Variants in HCK observed in about 807,000 individuals in gnomAD.
The protein encoded by HCK is HCK proto-oncogene, Src family tyrosine kinase, also known as tyrosine-protein kinase HCK.
Under a neutral mutation model 70.4 loss-of-function variants are expected in HCK, and 40 were observed. The ratio of observed to expected loss-of-function variants is 0.57; its 90% confidence interval spans 0.44 to 0.74. The LOEUF is 0.74. Ranked by LOEUF, HCK falls within the 30% of genes least tolerant of loss-of-function variation. HCK has a pLI of 0.00. For missense variants in HCK, 568 were observed against 697.2 expected (o/e 0.81, Z 2.09); for synonymous variants, 245 against 263.2 (o/e 0.93, Z 0.67).
At chr20:32,093,802 G>A (rs1252841908) in intron 10 of HCK, 61 bp from the exon 11 acceptor site, 2 of 1,509,284 alleles carry the variant, frequency 1.3e-6, no homozygotes. Context: ...GCTGCTTTTG[G>A]GTGGGGCCAT....
chr20:32,097,090 G>A (rs1217201868), intron 11 of HCK, among the ~76,000 whole-genome samples: 1 of 151,556 alleles, frequency 6.6e-6, no homozygotes, highest in Non-Finnish European at 1.5e-5. Flanking sequence ...GACCAGCCTG[G>A]GCAATATAGC....
chr20:32,061,215 CT>C (rs2045369306), intron 1 of HCK, among the ~76,000 whole-genome samples: 1 of 152,218 alleles, frequency 6.6e-6, no homozygotes, highest in Non-Finnish European at 1.5e-5. Context: ...AACTCCTGAC[CT>C]TGTGATTCGC....
At chr20:32,059,252 G>A (rs901710146) in intron 1 of HCK, among the ~76,000 whole-genome samples, 15 of 147,958 alleles carry the variant, frequency 1.0e-4, no homozygotes, top group Non-Finnish European at 3.0e-5. Context: ...ATCCAAGAGT[G>A]TCTTAAATGT....
intron 1 of HCK, among the ~76,000 whole-genome samples, chr20:32,071,040 G>C (rs1390593668): frequency 6.6e-6 from 1 of 151,926 alleles, no homozygotes; most frequent in Non-Finnish European, 1.5e-5. Flanking sequence ...CCAGTAATAC[G>C]GTGCCTTGAC....
intron 10 of HCK, among the ~76,000 whole-genome samples, chr20:32,092,994 G>A (rs2045884199): frequency 6.6e-6 from 1 of 152,060 alleles, no homozygotes; most frequent in Admixed American, 6.5e-5. Flanking sequence ...GCCCAGGCTG[G>A]AGGACAGTGG....
At chr20:32,068,305 AT>A (rs1488097408) in intron 1 of HCK, among the ~76,000 whole-genome samples, 1 of 152,112 alleles carries the variant, frequency 6.6e-6, no homozygotes, top group Non-Finnish European at 1.5e-5. Context: ...TCTCAAAAAA[AT>A]AAATAAGTAA....
intron 1 of HCK, among the ~76,000 whole-genome samples, chr20:32,067,510 A>AG (rs1243994342): frequency 2.0e-5 from 3 of 147,396 alleles, no homozygotes. Context: ...GTCATAGAGC[A>AG]GGAATGTCCT....
chr20:32,058,817 G>A (rs1335041115), intron 1 of HCK, among the ~76,000 whole-genome samples: 1 of 152,156 alleles, frequency 6.6e-6, no homozygotes, highest in Non-Finnish European at 1.5e-5. Context: ...TCTAAGCCCA[G>A]TTACCACTGC....
At chr20:32,085,474 A>G (rs1000416073) in intron 8 of HCK, among the ~76,000 whole-genome samples, 1 of 152,210 alleles carries the variant, frequency 6.6e-6, no homozygotes, top group Non-Finnish European at 1.5e-5. Context: ...AGATCGCACC[A>G]CTGCACTCCA....
At chr20:32,094,451 T>C (rs972018657) in intron 11 of HCK, among the ~76,000 whole-genome samples, 2 of 151,882 alleles carry the variant, frequency 1.3e-5, no homozygotes, top group African/African-American at 2.4e-5. Context: ...AGGCCAAGAC[T>C]GGAGGACTGC....
intron 8 of HCK, 46 bp from the exon 9 acceptor site, chr20:32,086,575 TACGGGAG>T (rs2045789736): frequency 1.5e-5 from 23 of 1,485,076 alleles, no homozygotes; most frequent in Non-Finnish European, 1.9e-5. Context: ...TCTAGGGTGG[TACGGGAG>T]ACCAGTGGGC....
intron 11 of HCK, among the ~76,000 whole-genome samples, chr20:32,097,690 T>C (rs577144478): frequency 1.3e-5 from 2 of 152,188 alleles, no homozygotes; most frequent in South Asian, 2.1e-4. Flanking sequence ...GAAAAGTCTG[T>C]AGATCCAAAG....
chr20:32,099,350 C>CTTTTTTTTTTTTTTTT (rs71336559), intron 12 of HCK, among the ~76,000 whole-genome samples: 12 of 85,172 alleles, frequency 1.4e-4, no homozygotes, highest in African/African-American at 7.7e-4. Flanking sequence ...ACTCCTATGA[C>CTTTTTTTTTTTTTTTT]TTTTTTTTTT....
intron 10 of HCK, 100 bp downstream of exon 10, chr20:32,088,744 T>C: frequency 1.2e-6 from 1 of 838,650 alleles, no homozygotes; most frequent in Non-Finnish European, 2.0e-6. Context: ...GCAGTAATAA[T>C]AATGGGTAAA....
intron 1 of HCK, chr20:32,054,431 G>A (rs1268349014): frequency 2.6e-5 from 9 of 352,496 alleles, no homozygotes; most frequent in African/African-American, 2.1e-4. Context: ...AGCCGAGATC[G>A]CGCCATTGCA....
intron 1 of HCK, among the ~76,000 whole-genome samples, chr20:32,057,366 G>A (rs1246289804): frequency 1.3e-5 from 2 of 152,170 alleles, no homozygotes; most frequent in Non-Finnish European, 2.9e-5. Flanking sequence ...TTGGGAGGCC[G>A]AGACAGGCAG....
intron 1 of HCK, among the ~76,000 whole-genome samples, chr20:32,059,065 G>A (rs1029303133): frequency 6.6e-6 from 1 of 152,240 alleles, no homozygotes; most frequent in Non-Finnish European, 1.5e-5. Flanking sequence ...CCGGCAGCTG[G>A]AAGTCCAGCC....
chr20:32,059,994 T>A (rs924687776), intron 1 of HCK, among the ~76,000 whole-genome samples: 2 of 152,094 alleles, frequency 1.3e-5, no homozygotes, highest in Non-Finnish European at 2.9e-5. Context: ...CTTTGAGGAT[T>A]CCATTTGTGG....
rs149487671 is a variant in HCK at position 32,084,401 on chromosome 20, C to T, written c.693C>T (p.Asp231=). 4,549 of 1,612,908 alleles carry T rather than the reference C, an allele frequency of 2.8e-3. 7 individuals are homozygous for T. The highest frequency in any genetic ancestry group is 3.4e-3 in the Non-Finnish European group (4,028 of 1,179,358). ...GGGACTCTGTTCCAGAGGGGAACGA[C>T]GGGCTCTGCCAGAAACTGTCGGTGC... Residue 231 remains aspartate (D), a synonymous_variant, in exon 8 of 13, where the codon GAC becomes GAT. Transcript: ENST00000375852.
Sources: allele counts gnomAD v4.1 joint callset (sites outside exome capture counted in the v4.1 genomes callset), GRCh38; gene constraint gnomAD v4.1.1; transcripts MANE v1.5; gene names NCBI Gene and HGNC (gene_info 2026-07-23, HGNC 2026-07-21).